NTM: variants seen among roughly 807,000 people sequenced by gnomAD.
NTM encodes the protein IgLON family member 2.
NTM carries 13 observed loss-of-function variants against 42.1 expected under a neutral mutation model. That is an observed-to-expected ratio of 0.31 (90% CI 0.20 to 0.49). The LOEUF is 0.49. NTM is among the 20% of genes least tolerant of loss of function. The pLI is 0.99. For missense variants in NTM, 373 were observed against 452.8 expected (o/e 0.82, Z 1.60); for synonymous variants, 187 against 179.2 (o/e 1.04, Z -0.35).
chr11:131,466,322 G>A (rs34156643), intron 1 of NTM, among the ~76,000 whole-genome samples: 98 of 152,290 alleles, frequency 6.4e-4, no homozygotes, highest in African/African-American at 2.3e-3. Context: ...GTCAGGCCTC[G>A]TGCAAAGTGC....
chr11:132,092,488 C>A (rs566873796), intron 2 of NTM, among the ~76,000 whole-genome samples: 1 of 152,138 alleles, frequency 6.6e-6, no homozygotes, highest in South Asian at 2.1e-4. Flanking sequence ...CCTTAGTTCC[C>A]GGATTCTCTG....
In NTM at chr11:132,087,620, A is replaced by C. The variant is rs577176384; in HGVS notation, c.168-58662A>C. ...AACTGTGGAATAGGGTCCTTCTCAAACAAGGAAGGGGAAAAGGGTGTCCTG... is the reference window on the plus strand; with the variant it reads ...AACTGTGGAATAGGGTCCTTCTCAACCAAGGAAGGGGAAAAGGGTGTCCTG... On this transcript the variant is annotated intron_variant, in intron 2 of 8. Transcript: ENST00000683400. Among the ~76,000 whole-genome samples the C allele has an allele frequency of 3.3e-5, 5 of 152,238 alleles. No individual in the cohort carries two copies. The East Asian group carries it at 9.7e-4, about 29-fold the overall frequency.
chr11:131,756,230 C>T (rs2083311962), intron 1 of NTM, among the ~76,000 whole-genome samples: 1 of 152,144 alleles, frequency 6.6e-6, no homozygotes, highest in African/African-American at 2.4e-5. Flanking sequence ...AAAGGAGGCA[C>T]AGAAGTGAGG....
chr11:131,385,223 G>C (rs1473798445), intron 1 of NTM: 1 of 152,190 alleles, frequency 6.6e-6, no homozygotes, highest in East Asian at 1.9e-4. Flanking sequence ...CATGGAAAGA[G>C]GGATGGACAT....
rs79872975 is a variant in NTM at position 131,532,846 on chromosome 11, T to C, written c.82+161958T>C. 9.6e-3 allele frequency among the ~76,000 whole-genome samples: 1,468 copies of C among 152,320 alleles called. 27 individuals carry two copies. The highest frequency in any genetic ancestry group is 0.034 in the African/African-American group (1,395 of 41,568). On this transcript the variant is annotated intron_variant, in intron 1 of 8. Transcript: ENST00000683400. ...AGTGATGCTGAATGTTATTTTCATG[T>C]GTTTATGGCCTGGTATGTATCTTTT...
At chr11:131,651,668 T>C (rs2472251) in intron 1 of NTM, among the ~76,000 whole-genome samples, 152,204 of 152,210 alleles carry the variant, frequency 1, 76,099 homozygotes, top group Non-Finnish European at 1. Flanking sequence ...GGTGAAACCC[T>C]GTTTTTTACT....
chr11:131,799,395 A>G (rs533697074), intron 1 of NTM, among the ~76,000 whole-genome samples: 11 of 152,334 alleles, frequency 7.2e-5, no homozygotes, highest in African/African-American at 2.6e-4. Flanking sequence ...TCATTGAATC[A>G]AGAAGGCATA....
intron 1 of NTM, among the ~76,000 whole-genome samples, chr11:131,639,500 A>AG (rs1254935952): frequency 6.6e-6 from 1 of 152,246 alleles, no homozygotes; most frequent in African/African-American, 2.4e-5. Flanking sequence ...CCTACCTCGT[A>AG]GGTCAGATAT....
chr11:131,530,027 C>T (rs2051028001), intron 1 of NTM, among the ~76,000 whole-genome samples: 1 of 152,194 alleles, frequency 6.6e-6, no homozygotes, highest in African/African-American at 2.4e-5. Context: ...CTAGTGCTAT[C>T]ATCCCTCCCC....
At chr11:131,734,774 G>A (rs1004865658) in intron 1 of NTM, among the ~76,000 whole-genome samples, 1 of 152,088 alleles carries the variant, frequency 6.6e-6, no homozygotes, top group African/African-American at 2.4e-5. Flanking sequence ...TACCAACAGT[G>A]CAATATCCCC....
intron 1 of NTM, among the ~76,000 whole-genome samples, chr11:131,767,764 C>G (rs763130671): frequency 1.3e-5 from 2 of 152,170 alleles, no homozygotes; most frequent in Non-Finnish European, 2.9e-5. Context: ...TTTTGCTGAA[C>G]CAGACCCATT....
intron 1 of NTM, among the ~76,000 whole-genome samples, chr11:131,886,744 T>C (rs545814219): frequency 2.0e-5 from 3 of 152,324 alleles, no homozygotes; most frequent in Admixed American, 2.0e-4. Flanking sequence ...CCTGGTAAGA[T>C]GACAGAGCCA....
chr11:132,086,708 G>T (rs1193254999), intron 2 of NTM, among the ~76,000 whole-genome samples: 1 of 152,196 alleles, frequency 6.6e-6, no homozygotes, highest in South Asian at 2.1e-4. Flanking sequence ...TATAAACAGT[G>T]ATCCTTATCA....
intron 2 of NTM, among the ~76,000 whole-genome samples, chr11:132,132,121 C>G (rs2066931243): frequency 6.6e-6 from 1 of 152,176 alleles, no homozygotes; most frequent in African/African-American, 2.4e-5. Context: ...AGGATACATT[C>G]CTCTGCCTGA....
In NTM at chr11:131,645,744, G is replaced by A. The variant is rs180817624; in HGVS notation, c.83-265820G>A. Among the ~76,000 whole-genome samples, 27 of 152,068 alleles carry A rather than the reference G, an allele frequency of 1.8e-4. No homozygotes were observed. In the East Asian group the frequency reaches 4.2e-3, roughly 24 times the overall value. On this transcript the variant is annotated intron_variant, in intron 1 of 8. Coordinates refer to ENST00000683400, the MANE Select transcript of NTM (RefSeq NM_001352005.2). Reference sequence around the variant, plus strand: ...TCCATTTGATTGGAAGTTCTCCTTCGGAGTGTCAAATGTTCTGCCTTTCAT... The same window carrying A: ...TCCATTTGATTGGAAGTTCTCCTTCAGAGTGTCAAATGTTCTGCCTTTCAT...
At chr11:131,931,467 A>ATGTG (rs1565764324) in intron 2 of NTM, among the ~76,000 whole-genome samples, 20 of 67,944 alleles carry the variant, frequency 2.9e-4, no homozygotes, top group Non-Finnish European at 5.7e-4. Flanking sequence ...AATAATATAT[A>ATGTG]CGTGTGTGTG....
At chr11:131,450,517 C>T (rs1377249838) in intron 1 of NTM, among the ~76,000 whole-genome samples, 1 of 152,186 alleles carries the variant, frequency 6.6e-6, no homozygotes, top group Non-Finnish European at 1.5e-5. Flanking sequence ...CCCAGGGAAG[C>T]CTCCCTGAAG....
chr11:131,514,990 C>G (rs1356389313), intron 1 of NTM, among the ~76,000 whole-genome samples: 5 of 152,126 alleles, frequency 3.3e-5, no homozygotes, highest in South Asian at 2.1e-4. Context: ...TTCACTGTAG[C>G]CTTGACGTCT....
At chr11:131,393,796 G>A (rs993031108) in intron 1 of NTM, among the ~76,000 whole-genome samples, 9 of 152,344 alleles carry the variant, frequency 5.9e-5, no homozygotes, top group Non-Finnish European at 1.3e-4. Context: ...AAGCACTTGA[G>A]GATGAAAGAA....
Sources: gnomAD v4.1 joint callset for allele counts (sites outside exome capture counted in the v4.1 genomes callset) on GRCh38, gnomAD v4.1.1 for gene constraint, MANE v1.5 for transcripts, NCBI Gene and HGNC (gene_info 2026-07-23, HGNC 2026-07-21) for gene names.